The following SYNE1 variants were observed in gnomAD, a reference collection of about 807,000 sequenced individuals.
SYNE1 encodes the protein nesprin-1.
SYNE1 carries 616 observed loss-of-function variants against 1,111.0 expected under a neutral mutation model. The observed-to-expected ratio is 0.55, with a 90% CI of 0.52 to 0.59. The LOEUF is 0.59. Ranked by LOEUF, SYNE1 falls within the 20% of genes least tolerant of loss-of-function variation. SYNE1 has a pLI of 0.00. For synonymous variants in SYNE1, 3,855 were observed against 3,825.8 expected (o/e 1.01, Z -0.28); for missense variants, 10,006 against 10,417.0 (o/e 0.96, Z 1.72).
intron 140 of SYNE1, among the ~76,000 whole-genome samples, chr6:152,138,114 T>A (rs1385665212): frequency 1.3e-5 from 2 of 152,188 alleles, no homozygotes; most frequent in Non-Finnish European, 2.9e-5. Context: ...TGGTACTTTG[T>A]CCTGAAATTC....
chr6:152,362,341 G>A lies in SYNE1; in HGVS notation c.10146-18C>T, dbSNP rs759651335. ...CGAGTTGGCTGAAAGGGATTTGAAA[G>A]GACAATAAATCCACATTGAGAATCC... On this transcript the variant is annotated intron_variant, in intron 63 of 145. Coordinates refer to ENST00000367255, the MANE Select transcript of SYNE1 (RefSeq NM_182961.4). 13 of 1,614,120 alleles carry A rather than the reference G, an allele frequency of 8.1e-6. No homozygotes were observed. The highest frequency in any genetic ancestry group is 1.1e-5 in the Non-Finnish European group (13 of 1,180,010).
chr6:152,536,526 C>A (rs1437883550), intron 4 of SYNE1, among the ~76,000 whole-genome samples: 1 of 147,636 alleles, frequency 6.8e-6, no homozygotes, highest in Non-Finnish European at 1.5e-5. Flanking sequence ...ATTTACTCAT[C>A]AGCTCGCTAG....
At chr6:152,237,057 G>C (rs1340129890) in intron 108 of SYNE1, 109 bp from the exon 109 acceptor site, 6 of 1,457,890 alleles carry the variant, frequency 4.1e-6, no homozygotes, top group African/African-American at 1.4e-5. Flanking sequence ...AGTTATATCA[G>C]AGATGTTTGC....
At chr6:152,518,163 C>G (rs2099121711) in intron 6 of SYNE1, among the ~76,000 whole-genome samples, 1 of 150,824 alleles carries the variant, frequency 6.6e-6, no homozygotes, top group African/African-American at 2.4e-5. Flanking sequence ...ACACACAAAT[C>G]CTGTTCTCTA....
chr6:152,220,921 C>G lies in SYNE1; in HGVS notation c.21782G>C (p.Arg7261Pro), dbSNP rs61742716. The G allele has an allele frequency of 1.2e-6, 2 of 1,614,110 alleles. No individual in the cohort carries two copies. Among genetic ancestry groups the G allele is most frequent in the Non-Finnish European group, 8.5e-7 (1 of 1,179,986 alleles). ...GGCTGCCTTCAACAGCTCATTGGTT[C>G]GATCCTCCTGCTGCTGAACTGTCGA... is the stretch of plus-strand genomic sequence containing the variant. ...CASTVQQQED[R>P]TNELLKAATN... The change falls in exon 119 of 146, where the codon CGA (arginine) becomes CCA (proline). Residue 7261 changes from arginine (R) to proline (P), a missense_variant. This residue lies in a region of SYNE1 where 2,182 missense variants were observed against 2,287.8 expected (regional missense o/e 0.95). Coordinates refer to ENST00000367255, the MANE Select transcript of SYNE1 (RefSeq NM_182961.4).
chr6:152,309,162 A>G (rs1161425901), intron 90 of SYNE1, among the ~76,000 whole-genome samples: 1 of 152,172 alleles, frequency 6.6e-6, no homozygotes, highest in Non-Finnish European at 1.5e-5. Context: ...CTACCAAACA[A>G]AAGTATATAC....
At chr6:152,377,778 T>C (rs2097324137) in intron 56 of SYNE1, among the ~76,000 whole-genome samples, 1 of 151,132 alleles carries the variant, frequency 6.6e-6, no homozygotes, top group Non-Finnish European at 1.5e-5. Context: ...TAGTAATTCA[T>C]TTATTTCATA....
Position 152,293,769 on chromosome 6 carries a change from T to C in SYNE1, c.17851-20A>G. On this transcript the variant is annotated intron_variant, in intron 94 of 145. Coordinates refer to ENST00000367255, the MANE Select transcript of SYNE1 (RefSeq NM_182961.4). ...ACTGATCTACACCAGAAAAGGGATA[T>C]TACCAAATGCTTCCCAGCCCCTTAT... 6.2e-7 allele frequency: 1 copy of C among 1,613,938 alleles called. No homozygotes were observed. The highest frequency in any genetic ancestry group is 8.5e-7 in the Non-Finnish European group (1 of 1,180,028).
intron 3 of SYNE1, among the ~76,000 whole-genome samples, chr6:152,611,948 A>G (rs1350653960): frequency 6.6e-6 from 1 of 152,036 alleles, no homozygotes; most frequent in African/African-American, 2.4e-5. Flanking sequence ...TTTGAAATCA[A>G]TGAGAACAAA....
At chr6:152,365,128 C>A (rs1483955835) in intron 62 of SYNE1, 109 bp from the exon 63 acceptor site, 1 of 1,364,884 alleles carries the variant, frequency 7.3e-7, no homozygotes, top group Admixed American at 1.8e-5. Context: ...TTGTGCCCAG[C>A]CCTGGAGCTC....
At chr6:152,184,135 T>A (rs1005797175) in intron 128 of SYNE1, among the ~76,000 whole-genome samples, 1 of 152,168 alleles carries the variant, frequency 6.6e-6, no homozygotes, top group Non-Finnish European at 1.5e-5. Context: ...AGAGAGTAAT[T>A]TAAGAAATTG....
chr6:152,356,508 A>C lies in SYNE1; in HGVS notation c.10609-1532T>G, dbSNP rs1284044952. 4.1e-5 allele frequency among the ~76,000 whole-genome samples: 6 copies of C among 147,852 alleles called. No homozygotes were observed. In the Admixed American group the frequency reaches 4.1e-4, roughly 10 times the overall value. On this transcript the variant is annotated intron_variant, in intron 66 of 145. Coordinates refer to ENST00000367255, the MANE Select transcript of SYNE1 (RefSeq NM_182961.4). ...TAAGTAACATAAATGTGTGTATATAATATATTAATATATATTAATATATTA... is the reference window on the plus strand; with the variant it reads ...TAAGTAACATAAATGTGTGTATATACTATATTAATATATATTAATATATTA...
intron 100 of SYNE1, among the ~76,000 whole-genome samples, chr6:152,265,889 C>T (rs2092655834): frequency 6.6e-6 from 1 of 152,122 alleles, no homozygotes; most frequent in Admixed American, 6.5e-5. Context: ...AACCAAGTCA[C>T]ATTTATAGTC....
chr6:152,244,626 C>A lies in SYNE1; in HGVS notation c.19603G>T (p.Glu6535Ter), dbSNP rs1431030693. 1.9e-6 allele frequency: 3 copies of A among 1,613,862 alleles called. No homozygotes were observed. The highest frequency in any genetic ancestry group is 2.7e-5 in the African/African-American group (2 of 74,892). ...AIQQAEDGLK[E>*]FDAGIIELKR... ...AATTCAATGATTCCTGCATCAAATT[C>A]TTTGAGTCCATCTTCAGCCTGTTGT... The change falls in exon 106 of 146, where the codon GAA becomes TAA. Residue 6535 changes from glutamate to a stop codon, truncating the protein, a stop_gained. Coordinates refer to ENST00000367255, the MANE Select transcript of SYNE1 (RefSeq NM_182961.4). LOFTEE classifies it high-confidence loss of function.
intron 44 of SYNE1, among the ~76,000 whole-genome samples, 173 bp downstream of exon 44, chr6:152,408,895 G>A (rs1042197501): frequency 2.0e-5 from 3 of 151,834 alleles, no homozygotes; most frequent in Non-Finnish European, 2.9e-5. Context: ...CAGAGGTTGC[G>A]GTGAGCTGAG....
chr6:152,395,385 G>A (rs1327680879), intron 51 of SYNE1, 131 bp downstream of exon 51: 5 of 889,310 alleles, frequency 5.6e-6, no homozygotes, highest in Non-Finnish European at 8.9e-6. Context: ...CTGTATTCCA[G>A]ACATTCAAGG....
At chr6:152,246,711 T>C (rs115465878) in intron 105 of SYNE1, among the ~76,000 whole-genome samples, 208 of 151,604 alleles carry the variant, frequency 1.4e-3, no homozygotes, top group African/African-American at 4.9e-3. Flanking sequence ...ATCAGAAGAG[T>C]CCCTTGAGCT....
chr6:152,363,497 CTAAATAAATAAA>C (rs72461138), intron 63 of SYNE1, among the ~76,000 whole-genome samples: 6,217 of 144,214 alleles, frequency 0.043, 155 homozygotes, highest in Non-Finnish European at 0.049. Flanking sequence ...CCGTCTCAAA[CTAAATAAATAAA>C]TAAATAAATA....
intron 112 of SYNE1, among the ~76,000 whole-genome samples, chr6:152,233,529 T>C (rs181869644): frequency 9.7e-4 from 147 of 152,268 alleles, no homozygotes; most frequent in African/African-American, 3.4e-3. Flanking sequence ...TTCACCGTGT[T>C]GCCCAGGCTG....
Sources: allele counts gnomAD v4.1 joint callset (sites outside exome capture counted in the v4.1 genomes callset), GRCh38; gene constraint gnomAD v4.1.1; regional missense constraint gnomAD v4.1.1; transcripts MANE v1.5; gene names NCBI Gene and HGNC (gene_info 2026-07-23, HGNC 2026-07-21).